The following SYT6 variants were observed in gnomAD, a reference collection of about 807,000 sequenced individuals.
The protein encoded by SYT6 is synaptotagmin 6.
SYT6 carries 24 observed loss-of-function variants against 38.4 expected under a neutral mutation model. The observed-to-expected ratio is 0.62, with a 90% CI of 0.45 to 0.88. SYT6 has a LOEUF of 0.88. Among genes scored for constraint, SYT6 ranks in the 40% least tolerant of loss-of-function variants. SYT6 has a pLI of 0.00. For missense variants in SYT6, 611 were observed against 621.0 expected, an observed-to-expected ratio of 0.98 and a Z score of 0.17; for synonymous variants, 265 against 241.9, an observed-to-expected ratio of 1.10 and a Z score of -0.89.
intron 1 of SYT6, among the ~76,000 whole-genome samples, chr1:114,143,594 T>C (rs886377813): frequency 4.6e-5 from 7 of 150,676 alleles, no homozygotes; most frequent in Admixed American, 4.6e-4. Flanking sequence ...ATAACTTTTA[T>C]ATGCACTGGG....
chr1:114,135,959 G>GTCA, intron 3 of SYT6, among the ~76,000 whole-genome samples: 1 of 152,220 alleles, frequency 6.6e-6, no homozygotes, highest in East Asian at 1.9e-4. Flanking sequence ...TGGAGCGCTC[G>GTCA]GGCCTGGGGC....
At position 114,153,759 on chromosome 1, in the gene SYT6, C is replaced by A. The variant is rs868175090; in HGVS notation, c.14G>T (p.Trp5Leu). 2 of 681,114 alleles carry A rather than the reference C, an allele frequency of 2.9e-6. No individual in the cohort carries two copies. Among genetic ancestry groups the A allele is most frequent in the Admixed American group, 2.1e-5 (1 of 48,070 alleles). The allele number at this position is 681,114 out of a possible 1,614,324, so 42.2% of individuals were successfully genotyped here. Residue 5 changes from tryptophan (W) to leucine (L), a missense_variant, in exon 1 of 8, where the codon TGG (tryptophan) becomes TTG (leucine). Transcript: ENST00000610222. MSGVWGAGGPRCQEA... is the reference protein window; with the variant it reads MSGVLGAGGPRCQEA... The stretch of plus-strand genomic sequence containing the variant: ...CTGGCACCGAGGCCCGCCGGCCCCC[C>A]ACACTCCGCTCATGCCCTAGACACC...
At chr1:114,143,471 TATAC>T (rs1236089001) in intron 1 of SYT6, among the ~76,000 whole-genome samples, 5 of 147,828 alleles carry the variant, frequency 3.4e-5, no homozygotes, top group Admixed American at 6.8e-5. Flanking sequence ...TATATCTATA[TATAC>T]ATACATACAT....
chr1:114,148,666 A>ATTATTTATTTAT (rs1421101910), intron 1 of SYT6, among the ~76,000 whole-genome samples: 3 of 137,130 alleles, frequency 2.2e-5, no homozygotes, highest in African/African-American at 8.4e-5. Flanking sequence ...TACTAATAAT[A>ATTATTTATTTAT]TCATTTATTT....
intron 3 of SYT6, among the ~76,000 whole-genome samples, chr1:114,109,765 C>T (rs577028142): frequency 8.5e-5 from 13 of 152,156 alleles, no homozygotes; most frequent in African/African-American, 3.1e-4. Context: ...GTGGACAAGA[C>T]GTGGGCATGC....
rs187137326 is a variant in SYT6, at chr1:114,137,826, A to G, written c.740T>C (p.Ile247Thr). 32 of 1,613,954 alleles carry G rather than the reference A, an allele frequency of 2.0e-5. No individual in the cohort carries two copies. The East Asian group carries it at 5.4e-4, about 27-fold the overall frequency. Reference protein sequence around the residue: ...LRYDYETETLIVRILKAFDLP... With the variant: ...LRYDYETETLTVRILKAFDLP... ...GTCAAAAGCCTTCAGGATACGCACA[A>G]TCAGGGTCTCGGTCTCGTAATCGTA... The change falls in exon 3 of 8, where the codon ATT becomes ACT. Residue 247 changes from isoleucine to threonine, a missense_variant. By Grantham distance (89) the Ile-to-Thr change is moderately conservative. Coordinates refer to ENST00000610222, the MANE Select transcript of SYT6 (RefSeq NM_001253772.2).
chr1:114,145,505 T>G (rs866499032), intron 1 of SYT6, among the ~76,000 whole-genome samples: 20 of 102,826 alleles, frequency 1.9e-4, no homozygotes, highest in African/African-American at 9.6e-4. Context: ...GTATTAAGTT[T>G]TTTTTTTTTT....
At chr1:114,149,358 T>TG (rs1214398227) in intron 1 of SYT6, among the ~76,000 whole-genome samples, 2 of 75,182 alleles carry the variant, frequency 2.7e-5, no homozygotes, top group African/African-American at 1.1e-4. Flanking sequence ...AATTCAGGGC[T>TG]GGGGGGAGGG....
intron 3 of SYT6, among the ~76,000 whole-genome samples, chr1:114,114,286 C>A (rs541032271): frequency 2.0e-5 from 3 of 152,244 alleles, no homozygotes; most frequent in Admixed American, 1.3e-4. Flanking sequence ...GTACTTCACT[C>A]GCCTCACCCT....
chr1:114,092,887 C>T (rs1421322440), intron 7 of SYT6, among the ~76,000 whole-genome samples: 1 of 152,218 alleles, frequency 6.6e-6, no homozygotes, highest in East Asian at 1.9e-4. Flanking sequence ...TCTTGACCTG[C>T]CTGGGGGCTT....
chr1:114,123,868 G>A (rs969099009), intron 3 of SYT6, among the ~76,000 whole-genome samples: 12 of 152,176 alleles, frequency 7.9e-5, no homozygotes, highest in Non-Finnish European at 1.3e-4. Context: ...GCCCCTCCCC[G>A]GCTCTTTCCC....
intron 1 of SYT6, chr1:114,152,413 C>T (rs566619546): frequency 6.5e-6 from 1 of 152,722 alleles, no homozygotes; most frequent in East Asian, 1.9e-4. Flanking sequence ...CCTGCAGAGT[C>T]TCCTGGAACC....
At chr1:114,127,876 G>A (rs1677836374) in intron 3 of SYT6, among the ~76,000 whole-genome samples, 1 of 152,196 alleles carries the variant, frequency 6.6e-6, no homozygotes, top group African/African-American at 2.4e-5. Context: ...GGGAGCATGG[G>A]GGCAAATGAA....
At chr1:114,119,824 C>T (rs752242269) in intron 3 of SYT6, among the ~76,000 whole-genome samples, 63 of 152,200 alleles carry the variant, frequency 4.1e-4, no homozygotes, top group Non-Finnish European at 8.5e-4. Context: ...GTAATCCCAG[C>T]ACTTTGGGAG....
At chr1:114,132,025 G>A (rs955168644) in intron 3 of SYT6, among the ~76,000 whole-genome samples, 2 of 152,178 alleles carry the variant, frequency 1.3e-5, no homozygotes, top group Non-Finnish European at 2.9e-5. Context: ...TCAAATCTTG[G>A]CTTTATTATT....
At chr1:114,108,282 T>TGCTCC (rs921098928) in intron 3 of SYT6, among the ~76,000 whole-genome samples, 1 of 152,218 alleles carries the variant, frequency 6.6e-6, no homozygotes, top group African/African-American at 2.4e-5. Flanking sequence ...CACAACACTG[T>TGCTCC]GCTCCCTGGC....
At chr1:114,124,831 G>T (rs1017446418) in intron 3 of SYT6, among the ~76,000 whole-genome samples, 2 of 152,226 alleles carry the variant, frequency 1.3e-5, no homozygotes, top group African/African-American at 4.8e-5. Flanking sequence ...GCAACCGGCT[G>T]GCCCAGGTGG....
In SYT6 at chr1:114,120,070, C is replaced by CAA. The variant is rs34846994; in HGVS notation, c.1072-16351_1072-16350dup. Among the ~76,000 whole-genome samples, 729 of 121,794 alleles carry CAA rather than the reference C, an allele frequency of 6.0e-3. 6 individuals are homozygous for CAA. The highest frequency in any genetic ancestry group is 0.013 in the Admixed American group (152 of 11,764). 79.9% of individuals were successfully genotyped at this position (121,794 alleles called of 152,430 possible). A position where few individuals can be genotyped will look rare whatever the true frequency, so the allele number is the denominator to read the frequency against. On this transcript the variant is annotated intron_variant, in intron 3 of 7. Transcript: ENST00000610222. ...TGGGCGACAGAGAGAGACTCTGTCT[C>CAA]AAAAAAAAAAAAAAAAATCTCTTTT...
intron 6 of SYT6, among the ~76,000 whole-genome samples, chr1:114,095,721 T>C (rs947692682): frequency 2.0e-5 from 3 of 151,340 alleles, no homozygotes; most frequent in African/African-American, 7.3e-5. Context: ...AGTGCAGTGG[T>C]GCGATCTCAG....
Sources: allele counts gnomAD v4.1 joint callset (sites outside exome capture counted in the v4.1 genomes callset), GRCh38; gene constraint gnomAD v4.1.1; transcripts MANE v1.5; gene names NCBI Gene and HGNC (gene_info 2026-07-23, HGNC 2026-07-21).